ZNF423: variants seen among roughly 807,000 people sequenced by gnomAD.
ZNF423 encodes zinc finger protein 423.
ZNF423 carries 12 observed loss-of-function variants against 95.8 expected under a neutral mutation model. The observed-to-expected ratio is 0.13, with a 90% CI of 0.08 to 0.20. The LOEUF is 0.20. ZNF423 is among the 10% of genes least tolerant of loss of function. The pLI is 1.00. For synonymous variants in ZNF423, 749 were observed against 711.9 expected (o/e 1.05, Z -0.83); for missense variants, 1,316 against 1,737.1 (o/e 0.76, Z 4.31).
chr16:49,538,433 T>C (rs530923077), intron 5 of ZNF423, among the ~76,000 whole-genome samples: 1 of 152,208 alleles, frequency 6.6e-6, no homozygotes, highest in East Asian at 1.9e-4. Context: ...CACCCTTTGC[T>C]CTCCGCTCCT....
chr16:49,551,643 A>G (rs573380891), intron 5 of ZNF423, among the ~76,000 whole-genome samples: 2 of 152,320 alleles, frequency 1.3e-5, no homozygotes, highest in Admixed American at 6.5e-5. Flanking sequence ...CGCAGGGTGC[A>G]TGGAAGCTGG....
chr16:49,760,484 G>T (rs189196677), intron 2 of ZNF423, among the ~76,000 whole-genome samples: 23 of 152,278 alleles, frequency 1.5e-4, no homozygotes, highest in South Asian at 2.1e-4. Flanking sequence ...CTGAGTCAGG[G>T]TTCGGCACAC....
intron 3 of ZNF423, among the ~76,000 whole-genome samples, chr16:49,721,999 C>T (rs1355721716): frequency 6.6e-6 from 1 of 152,206 alleles, no homozygotes; most frequent in Non-Finnish European, 1.5e-5. Context: ...GGATGCTCTG[C>T]AACCTGCGGA....
At chr16:49,512,946 A>G (rs1967957873) in intron 7 of ZNF423, among the ~76,000 whole-genome samples, 1 of 152,040 alleles carries the variant, frequency 6.6e-6, no homozygotes, top group African/African-American at 2.4e-5. Flanking sequence ...AAAATACAAA[A>G]TTAGCCAGGC....
Position 49,636,868 on chromosome 16 carries a change from C to T in ZNF423, c.2308G>A (p.Glu770Lys). 1 of 1,614,026 alleles carries T rather than the reference C, an allele frequency of 6.2e-7. No individual in the cohort carries two copies. Among genetic ancestry groups the T allele is most frequent in the Non-Finnish European group, 8.5e-7 (1 of 1,180,034 alleles). The change falls in exon 4 of 8, where the codon GAG becomes AAG. Residue 770 changes from glutamate to lysine, a missense_variant. Physicochemically the swap from Glu to Lys is moderately conservative, Grantham distance 56. Around this residue, in one of 6 missense-constraint regions of ZNF423, gnomAD observed 620 missense variants for 775.6 expected, o/e 0.80. Coordinates refer to ENST00000563137, the MANE Select transcript of ZNF423 (RefSeq NM_001379286.1). The surrounding 1 kb of genome is among the most constrained non-coding windows in gnomAD (Gnocchi z 8.6). ...CTACNWDFRK[E>K]ADLQVHVKHS... ...TTGACGTGCACCTGCAGGTCAGCCT[C>T]CTTGCGGAAGTCCCAGTTGCAGGCC... is the stretch of plus-strand genomic sequence containing the variant.
intron 5 of ZNF423, among the ~76,000 whole-genome samples, chr16:49,592,303 C>A (rs1971033234): frequency 6.6e-6 from 1 of 151,590 alleles, no homozygotes. Context: ...CATTTTTTTT[C>A]TTGTAAGGAA....
At chr16:49,664,343 A>T (rs1185844236) in intron 3 of ZNF423, 1 of 962,474 alleles carries the variant, frequency 1.0e-6, no homozygotes. Context: ...CGGGAGAGGA[A>T]GGGCCTTGGG....
chr16:49,598,781 C>A (rs1026505684), intron 5 of ZNF423, among the ~76,000 whole-genome samples: 5 of 152,244 alleles, frequency 3.3e-5, no homozygotes, highest in Non-Finnish European at 7.3e-5. Context: ...CAGGGAAAAA[C>A]TGAAGTGGTC....
intron 3 of ZNF423, among the ~76,000 whole-genome samples, chr16:49,664,962 G>A (rs532197181): frequency 6.6e-6 from 1 of 152,226 alleles, no homozygotes; most frequent in Non-Finnish European, 1.5e-5. Flanking sequence ...TTGCCTGTAA[G>A]TGCTGTAAAA....
At chr16:49,533,873 T>C (rs1412490844) in intron 5 of ZNF423, among the ~76,000 whole-genome samples, 1 of 152,180 alleles carries the variant, frequency 6.6e-6, no homozygotes, top group African/African-American at 2.4e-5. Context: ...ATATGAAGCA[T>C]GACCCCCGGC....
chr16:49,496,840 C>T (rs1287828385), intron 7 of ZNF423, among the ~76,000 whole-genome samples: 2 of 152,278 alleles, frequency 1.3e-5, no homozygotes, highest in South Asian at 2.1e-4. Context: ...GGCAGAGGGA[C>T]TGTTTGCTCC....
chr16:49,686,025 G>A (rs999803656), intron 3 of ZNF423, among the ~76,000 whole-genome samples: 1 of 152,284 alleles, frequency 6.6e-6, no homozygotes, highest in East Asian at 1.9e-4. Flanking sequence ...ATTCTTCAAA[G>A]AAGCCTTTGC....
chr16:49,851,753 GTTATC>G (rs573176766), intron 1 of ZNF423, among the ~76,000 whole-genome samples: 248 of 152,322 alleles, frequency 1.6e-3, no homozygotes, highest in African/African-American at 5.7e-3. Context: ...GAGGCACATA[GTTATC>G]TTATTTTATT....
intron 2 of ZNF423, among the ~76,000 whole-genome samples, chr16:49,764,933 AT>A (rs2033902367): frequency 8.5e-6 from 1 of 117,742 alleles, no homozygotes; most frequent in African/African-American, 3.3e-5. Flanking sequence ...TTTTTTTTGT[AT>A]TTTTAGTAGA....
intron 1 of ZNF423, among the ~76,000 whole-genome samples, chr16:49,799,256 G>A (rs941979566): frequency 1.3e-5 from 2 of 152,140 alleles, no homozygotes; most frequent in Admixed American, 6.5e-5. Context: ...TAGCTCCAGG[G>A]AAACATGCAA....
intron 5 of ZNF423, among the ~76,000 whole-genome samples, chr16:49,566,762 C>A (rs556583191): frequency 1.3e-5 from 2 of 152,102 alleles, no homozygotes; most frequent in Admixed American, 1.3e-4. Flanking sequence ...AATGGCTTGG[C>A]GGGCAGCGCG....
At chr16:49,856,249 C>G (rs2035368821), upstream of ZNF423, 1 of 142,106 alleles carries the variant, frequency 7.0e-6, no homozygotes. Context: ...TCCTTCTCCT[C>G]CTCCTCCGCC....
intron 5 of ZNF423, among the ~76,000 whole-genome samples, chr16:49,565,682 A>G (rs576759450): frequency 1.3e-5 from 2 of 152,198 alleles, no homozygotes; most frequent in Non-Finnish European, 2.9e-5. Flanking sequence ...ACTCAGCAAC[A>G]TCAGACCCAT....
intron 3 of ZNF423, among the ~76,000 whole-genome samples, chr16:49,690,199 G>A (rs1478011019): frequency 6.6e-6 from 1 of 152,200 alleles, no homozygotes; most frequent in African/African-American, 2.4e-5. Flanking sequence ...TTTCACAGAG[G>A]GGTAAACTGT....
Sources: allele counts gnomAD v4.1 joint callset (sites outside exome capture counted in the v4.1 genomes callset), GRCh38; gene constraint gnomAD v4.1.1; regional missense constraint gnomAD v4.1.1; non-coding constraint Gnocchi (gnomAD v3.1); transcripts MANE v1.5; gene names NCBI Gene and HGNC (gene_info 2026-07-23, HGNC 2026-07-21).